The following PDCD1LG2 variants were observed in gnomAD, a reference collection of about 807,000 sequenced individuals.
PDCD1LG2 encodes programmed cell death 1 ligand 2.
Under a neutral mutation model 28.2 loss-of-function variants are expected in PDCD1LG2, and 32 were observed. The ratio of observed to expected loss-of-function variants is 1.13; its 90% CI spans 0.86 to 1.52. The LOEUF (loss-of-function observed/expected upper bound fraction) is 1.52. PDCD1LG2 is among the 40% of genes most tolerant of loss of function. The pLI, the probability that PDCD1LG2 is intolerant of heterozygous loss-of-function variation, is 0.00. For synonymous variants in PDCD1LG2, 116 were observed against 120.2 expected, an observed-to-expected ratio of 0.97 and a Z score of 0.23; for missense variants, 385 against 323.8, an observed-to-expected ratio of 1.19 and a Z score of -1.45.
In PDCD1LG2 at chr9:5,549,337, TC is replaced by T; in HGVS notation, c.366del (p.Tyr123ThrfsTer4). 2 of 1,610,538 alleles carry T rather than the reference TC, an allele frequency of 1.2e-6. No homozygotes were observed. Among genetic ancestry groups the T allele is most frequent in the Non-Finnish European group, 1.7e-6 (2 of 1,177,030 alleles). ...YKYLTLKVKASYRKINTHILK... is the reference protein window; with the variant it reads ...YKYLTLKVKAXYRKINTHILK... ...TCTTTTTCTTCTCTATTGTCCAGCT[TC>T]CTACAGGAAAATAAACACTCACATC... On this transcript the variant is annotated frameshift_variant, in exon 4 of 7. Coordinates refer to ENST00000397747, the MANE Select transcript of PDCD1LG2 (RefSeq NM_025239.4). LOFTEE classifies it high-confidence loss of function.
chr9:5,552,795 T>TA (rs1417477723), intron 4 of PDCD1LG2, among the ~76,000 whole-genome samples: 2 of 152,334 alleles, frequency 1.3e-5, no homozygotes, highest in African/African-American at 4.8e-5. Flanking sequence ...CAGAGGCAGC[T>TA]AGATGCACTG....
chr9:5,549,585 G>A lies in PDCD1LG2; in HGVS notation c.612G>A (p.Leu204=), dbSNP rs777584117. 5.0e-6 allele frequency: 8 copies of A among 1,614,052 alleles called. No homozygotes were observed. The highest frequency in any genetic ancestry group is 4.0e-5 in the African/African-American group (3 of 74,920). The part of the protein sequence containing the change: ...FWNTHVRELT[L]ASIDLQSQME... ...ATACTCACGTGAGGGAACTTACTTTGGCCAGCATTGACCTTCAAAGTAAGA... is the reference window on the plus strand; with the variant it reads ...ATACTCACGTGAGGGAACTTACTTTAGCCAGCATTGACCTTCAAAGTAAGA... The change falls in exon 4 of 7, where the codon TTG becomes TTA. Residue 204 remains leucine, a synonymous_variant. Transcript: ENST00000397747.
intron 5 of PDCD1LG2, among the ~76,000 whole-genome samples, chr9:5,561,036 A>G (rs1816549439): frequency 6.6e-6 from 1 of 152,122 alleles, no homozygotes; most frequent in African/African-American, 2.4e-5. Flanking sequence ...TGATTCACCA[A>G]TATATGCCCA....
intron 2 of PDCD1LG2, among the ~76,000 whole-genome samples, chr9:5,532,359 C>T (rs1360262612): frequency 6.6e-6 from 1 of 152,168 alleles, no homozygotes; most frequent in Non-Finnish European, 1.5e-5. Context: ...TGAAATAAAT[C>T]TCAAGTTTGT....
chr9:5,532,339 G>A (rs1041202913), intron 2 of PDCD1LG2, among the ~76,000 whole-genome samples: 4 of 152,194 alleles, frequency 2.6e-5, no homozygotes, highest in African/African-American at 9.6e-5. Flanking sequence ...AGCCAAAAAT[G>A]TCGGTCATTT....
chr9:5,540,298 A>G (rs1363355984), intron 3 of PDCD1LG2, among the ~76,000 whole-genome samples: 1 of 152,232 alleles, frequency 6.6e-6, no homozygotes, highest in African/African-American at 2.4e-5. Flanking sequence ...GAGCACAAAT[A>G]GGCAATCTAA....
chr9:5,570,824 C>T lies in PDCD1LG2; in HGVS notation c.*865C>T, dbSNP rs75093564. ...CCAAACTAAGCCTCCTTTTCTGGCC[C>T]TCAATATGACTTTAAATTTGACTTT... On this transcript the variant is annotated 3_prime_UTR_variant, in exon 7 of 7. Transcript: ENST00000397747. The T allele has an allele frequency of 0.015, 3,499 of 232,728 alleles. 114 individuals are homozygous for T. The highest frequency in any genetic ancestry group is 0.068 in the African/African-American group (3,084 of 45,382). 14.4% of individuals were successfully genotyped at this position (232,728 alleles called of 1,614,324 possible).
At chr9:5,514,747 C>T (rs1452673243) in intron 1 of PDCD1LG2, among the ~76,000 whole-genome samples, 8 of 107,646 alleles carry the variant, frequency 7.4e-5, no homozygotes, top group African/African-American at 3.0e-4. Context: ...CCAGGCTAGG[C>T]AATGAGTGAG....
chr9:5,516,758 C>T (rs1315415910), intron 1 of PDCD1LG2, among the ~76,000 whole-genome samples: 3 of 152,312 alleles, frequency 2.0e-5, no homozygotes, highest in African/African-American at 2.4e-5. Flanking sequence ...CATGCCTGGC[C>T]GGGTTGTGAC....
intron 2 of PDCD1LG2, among the ~76,000 whole-genome samples, chr9:5,527,111 GT>G (rs1820394459): frequency 6.6e-6 from 1 of 152,080 alleles, no homozygotes; most frequent in Non-Finnish European, 1.5e-5. Context: ...AAAAATTAGG[GT>G]AAAACATTTT....
At chr9:5,525,521 A>G (rs182721899) in intron 2 of PDCD1LG2, among the ~76,000 whole-genome samples, 10 of 151,626 alleles carry the variant, frequency 6.6e-5, no homozygotes, top group African/African-American at 2.4e-4. Flanking sequence ...TATATATATA[A>G]TAGATAGCAT....
chr9:5,515,486 G>A (rs1225551778), intron 1 of PDCD1LG2, among the ~76,000 whole-genome samples: 1 of 152,196 alleles, frequency 6.6e-6, no homozygotes, highest in African/African-American at 2.4e-5. Flanking sequence ...AGGCGGAGAG[G>A]AGCTTCGTTG....
At chr9:5,514,772 G>GAAAAA (rs60002651) in intron 1 of PDCD1LG2, among the ~76,000 whole-genome samples, 8 of 62,374 alleles carry the variant, frequency 1.3e-4, no homozygotes, top group African/African-American at 2.1e-4. Flanking sequence ...AGTCTCTAAA[G>GAAAAA]AAAAAAAAAA....
rs947865364 is a variant in PDCD1LG2, at chr9:5,570,465, G to A, written c.*506G>A. The stretch of plus-strand genomic sequence containing the variant: ...CTTCGCACAAACTCAAATCATAATT[G>A]ACATGTTTTATGGATTACTGGAATC... On this transcript the variant is annotated 3_prime_UTR_variant, in exon 7 of 7. Coordinates refer to ENST00000397747, the MANE Select transcript of PDCD1LG2 (RefSeq NM_025239.4). 1 of 234,134 alleles carries A rather than the reference G, an allele frequency of 4.3e-6. No individual in the cohort carries two copies. Among genetic ancestry groups the A allele is most frequent in the Non-Finnish European group, 8.4e-6 (1 of 118,656 alleles). The allele number at this position is 234,134 out of a possible 1,614,324, so 14.5% of individuals were successfully genotyped here. A position where few individuals can be genotyped will look rare whatever the true frequency, so the allele number is the denominator to read the frequency against.
intron 2 of PDCD1LG2, among the ~76,000 whole-genome samples, chr9:5,529,725 T>C (rs1362434388): frequency 6.6e-6 from 1 of 152,194 alleles, no homozygotes; most frequent in East Asian, 1.9e-4. Context: ...TGGTGATGCC[T>C]GAGGTCATTC....
chr9:5,542,552 G>C (rs1269753872), intron 3 of PDCD1LG2, among the ~76,000 whole-genome samples: 4 of 152,114 alleles, frequency 2.6e-5, no homozygotes, highest in African/African-American at 9.7e-5. Context: ...TTCTCACAAG[G>C]AGATACACAA....
chr9:5,549,212 A>G, intron 3 of PDCD1LG2, 123 bp from the exon 4 acceptor site: 1 of 940,344 alleles, frequency 1.1e-6, no homozygotes. Context: ...GTGTTTACAA[A>G]TGATAACCAT....
chr9:5,566,952 C>T (rs1816678474), intron 6 of PDCD1LG2, among the ~76,000 whole-genome samples: 1 of 152,062 alleles, frequency 6.6e-6, no homozygotes, highest in African/African-American at 2.4e-5. Flanking sequence ...ATGAAAATGC[C>T]TGTAATCATG....
chr9:5,545,718 C>A lies in PDCD1LG2; in HGVS notation c.362-3617C>A, dbSNP rs1005398990. ...CTCATCTCTATTACAACTGATAGAA[C>A]AAACAATTAAGAAAATAGAAAATCT... On this transcript the variant is annotated intron_variant, in intron 3 of 6. Coordinates refer to ENST00000397747, the MANE Select transcript of PDCD1LG2 (RefSeq NM_025239.4). Among the ~76,000 whole-genome samples the A allele has an allele frequency of 7.9e-5, 12 of 152,086 alleles. No individual in the cohort carries two copies. The East Asian group carries it at 2.3e-3, about 29-fold the overall frequency.
Sources: gnomAD v4.1 joint callset for allele counts (sites outside exome capture counted in the v4.1 genomes callset) on GRCh38, gnomAD v4.1.1 for gene constraint, MANE v1.5 for transcripts, NCBI Gene and HGNC (gene_info 2026-07-23, HGNC 2026-07-21) for gene names.